Variants in COL13A1 observed in about 807,000 individuals in gnomAD.
COL13A1 encodes collagen type XIII alpha 1 chain, also known as collagen alpha-1(XIII) chain.
Under a neutral mutation model 130.9 loss-of-function variants are expected in COL13A1, and 89 were observed. The ratio of observed to expected loss-of-function variants is 0.68; its 90% confidence interval spans 0.57 to 0.81. The LOEUF is 0.81. Ranked by LOEUF, COL13A1 falls within the 30% of genes least tolerant of loss-of-function variation. The pLI is 0.00. For missense variants in COL13A1, 879 were observed against 934.6 expected (o/e 0.94, Z 0.78); for synonymous variants, 402 against 341.6 (o/e 1.18, Z -1.95).
At chr10:69,892,009 C>T (rs2061224444) in intron 10 of COL13A1, among the ~76,000 whole-genome samples, 1 of 152,218 alleles carries the variant, frequency 6.6e-6, no homozygotes, top group Non-Finnish European at 1.5e-5. Flanking sequence ...TTTTCCTGCC[C>T]TCATTCTGCC....
chr10:69,941,171 G>C lies in COL13A1; in HGVS notation c.1914+148G>C, dbSNP rs1485238073. Reference sequence around the variant, plus strand: ...ACCAGAAAGGTGCCACTGATGCTCTGAAGTGCCTTTTCTGGCCTCTTGACC... The same window carrying C: ...ACCAGAAAGGTGCCACTGATGCTCTCAAGTGCCTTTTCTGGCCTCTTGACC... On this transcript the variant is annotated intron_variant, in intron 35 of 40. Coordinates refer to ENST00000645393, the MANE Select transcript of COL13A1 (RefSeq NM_001368882.1). 3 of 1,381,428 alleles carry C rather than the reference G, an allele frequency of 2.2e-6. No individual in the cohort carries two copies. In the Admixed American group the frequency reaches 5.4e-5, roughly 25 times the overall value. 85.6% of individuals were successfully genotyped at this position (1,381,428 alleles called of 1,614,324 possible).
intron 36 of COL13A1, among the ~76,000 whole-genome samples, chr10:69,945,448 G>A (rs937492530): frequency 6.6e-6 from 1 of 152,198 alleles, no homozygotes; most frequent in African/African-American, 2.4e-5. Context: ...GGGAGGCCTT[G>A]GGGGATAGGC....
intron 13 of COL13A1, among the ~76,000 whole-genome samples, chr10:69,896,308 C>T (rs1444905739): frequency 1.3e-4 from 20 of 152,118 alleles, no homozygotes. Flanking sequence ...ACTTGTGTCC[C>T]AGCAGCAGGG....
intron 17 of COL13A1, among the ~76,000 whole-genome samples, chr10:69,915,228 C>T (rs1038933768): frequency 1.8e-4 from 27 of 152,226 alleles, no homozygotes; most frequent in African/African-American, 6.5e-4. Context: ...GGTTGTAAAG[C>T]TTTTCAGTCC....
intron 3 of COL13A1, among the ~76,000 whole-genome samples, chr10:69,871,604 G>A (rs1228068322): frequency 6.6e-6 from 1 of 152,152 alleles, no homozygotes; most frequent in East Asian, 1.9e-4. Flanking sequence ...GCCCTGCAGG[G>A]ATGGACTTGT....
chr10:69,820,042 T>G (rs1051579325), intron 1 of COL13A1, among the ~76,000 whole-genome samples: 7 of 152,206 alleles, frequency 4.6e-5, no homozygotes, highest in African/African-American at 1.7e-4. Context: ...ACTCATTTTC[T>G]TACCTTCCTC....
At chr10:69,866,668 T>C (rs956095594) in intron 2 of COL13A1, among the ~76,000 whole-genome samples, 1 of 152,062 alleles carries the variant, frequency 6.6e-6, no homozygotes, top group African/African-American at 2.4e-5. Flanking sequence ...ACTTTTTCTG[T>C]TGCTTTTAAT....
intron 2 of COL13A1, among the ~76,000 whole-genome samples, chr10:69,823,062 C>T (rs1846520788): frequency 6.6e-6 from 1 of 152,238 alleles, no homozygotes; most frequent in African/African-American, 2.4e-5. Flanking sequence ...CTTACTAGCT[C>T]TGTATGGGTG....
At chr10:69,846,428 A>C (rs1352445344) in intron 2 of COL13A1, among the ~76,000 whole-genome samples, 1 of 152,154 alleles carries the variant, frequency 6.6e-6, no homozygotes, top group Non-Finnish European at 1.5e-5. Flanking sequence ...GGAGGCCAGC[A>C]CTGCGACAGA....
rs182046286 is a variant in COL13A1 at position 69,918,117 on chromosome 10, T to A, written c.967-168T>A. ...TTCCTCAGGGTCCATTCTCGTGGCG[T>A]CAGCTCAGCGCCCCCACCTCCCAGG... On this transcript the variant is annotated intron_variant, in intron 18 of 40. Transcript: ENST00000645393. Among the ~76,000 whole-genome samples the A allele has an allele frequency of 2.9e-3, 439 of 152,232 alleles. 2 individuals carry two copies. The Middle Eastern group carries it at 0.048, about 17-fold the overall frequency.
intron 1 of COL13A1, among the ~76,000 whole-genome samples, chr10:69,803,194 TC>T (rs1476102724): frequency 6.6e-6 from 1 of 152,188 alleles, no homozygotes; most frequent in Non-Finnish European, 1.5e-5. Flanking sequence ...AGGGGACAGT[TC>T]TTGCAGGGGG....
At chr10:69,900,569 A>G (rs1034628835) in intron 14 of COL13A1, among the ~76,000 whole-genome samples, 2 of 152,222 alleles carry the variant, frequency 1.3e-5, no homozygotes, top group Non-Finnish European at 2.9e-5. Context: ...GTCAGCCACT[A>G]TGGGACATAA....
intron 16 of COL13A1, among the ~76,000 whole-genome samples, chr10:69,905,412 G>C (rs2062649985): frequency 6.6e-6 from 1 of 152,182 alleles, no homozygotes; most frequent in South Asian, 2.1e-4. Context: ...GGGCTCTGGG[G>C]ACAAGAAGAT....
intron 24 of COL13A1, 138 bp downstream of exon 24, chr10:69,923,993 T>C (rs986850012): frequency 1.1e-5 from 14 of 1,245,124 alleles, no homozygotes; most frequent in African/African-American, 1.5e-5. Context: ...TAATTCCTGG[T>C]TGGCTTGGGC....
chr10:69,924,827 A>C (rs961069318), intron 24 of COL13A1, 136 bp from the exon 25 acceptor site: 1 of 786,646 alleles, frequency 1.3e-6, no homozygotes, highest in Non-Finnish European at 1.9e-6. Flanking sequence ...ATGTTTCCTG[A>C]AGGGGTGGAA....
intron 16 of COL13A1, among the ~76,000 whole-genome samples, chr10:69,905,299 G>A (rs2062639361): frequency 6.6e-6 from 1 of 152,170 alleles, no homozygotes; most frequent in Admixed American, 6.5e-5. Context: ...TTTATAAGGT[G>A]TCAGAATGGG....
intron 2 of COL13A1, among the ~76,000 whole-genome samples, chr10:69,840,039 C>T (rs1321526047): frequency 6.6e-6 from 1 of 152,164 alleles, no homozygotes; most frequent in African/African-American, 2.4e-5. Context: ...AGGTGAGAGG[C>T]AGTGGTGACA....
chr10:69,957,149 C>CAAAT, intron 40 of COL13A1, 107 bp downstream of exon 40: 2 of 918,954 alleles, frequency 2.2e-6, no homozygotes, highest in Non-Finnish European at 1.8e-6. Context: ...AGACATAGGT[C>CAAAT]AAATAGTCAC....
chr10:69,914,623 A>G (rs934924223), intron 17 of COL13A1, among the ~76,000 whole-genome samples: 3 of 152,148 alleles, frequency 2.0e-5, no homozygotes, highest in African/African-American at 4.8e-5. Context: ...CTGAATAGTC[A>G]AGGACTCCCA....
Sources: allele counts gnomAD v4.1 joint callset (sites outside exome capture counted in the v4.1 genomes callset), GRCh38; gene constraint gnomAD v4.1.1; transcripts MANE v1.5; gene names NCBI Gene and HGNC (gene_info 2026-07-23, HGNC 2026-07-21).